The following PTPRD variants were observed in gnomAD, a reference collection of about 807,000 sequenced individuals.
PTPRD encodes the protein protein tyrosine phosphatase receptor type D.
PTPRD carries 34 observed loss-of-function variants against 214.5 expected under a neutral mutation model. That is an observed-to-expected ratio of 0.16 (90% confidence interval 0.12 to 0.21). The LOEUF (loss-of-function observed/expected upper bound fraction) is 0.21. Ranked by LOEUF, PTPRD falls within the 10% of genes least tolerant of loss-of-function variation. The probability of loss-of-function intolerance (pLI) is 1.00; values close to 1 mark genes in which losing one functional copy is unlikely to be tolerated. For missense variants in PTPRD, 2,545 were observed against 2,398.7 expected (o/e 1.06, Z -1.27); for synonymous variants, 1,128 against 845.7 (o/e 1.33, Z -5.79).
At chr9:8,950,199 AGG>A (rs2099093975) in intron 11 of PTPRD, among the ~76,000 whole-genome samples, 1 of 152,134 alleles carries the variant, frequency 6.6e-6, no homozygotes, top group Admixed American at 6.6e-5. Context: ...TAGATGGGGT[AGG>A]GGGAACAACC....
chr9:8,731,768 C>T (rs914262262), intron 12 of PTPRD, among the ~76,000 whole-genome samples: 3 of 152,110 alleles, frequency 2.0e-5, no homozygotes, highest in South Asian at 4.1e-4. Flanking sequence ...TTTCCTCTTT[C>T]GTCAATAACT....
At chr9:10,060,415 G>A (rs1484774237) in intron 3 of PTPRD, among the ~76,000 whole-genome samples, 3 of 152,022 alleles carry the variant, frequency 2.0e-5, no homozygotes, top group Admixed American at 1.3e-4. Context: ...TACTCAAAGT[G>A]TCATTACTGC....
intron 3 of PTPRD, among the ~76,000 whole-genome samples, chr9:10,247,920 G>C (rs1475784733): frequency 6.6e-6 from 1 of 152,090 alleles, no homozygotes; most frequent in Non-Finnish European, 1.5e-5. Flanking sequence ...TTATGGGAGG[G>C]ACCCAGTGAT....
chr9:9,263,325 A>G (rs1372654538), intron 9 of PTPRD, among the ~76,000 whole-genome samples: 4 of 151,632 alleles, frequency 2.6e-5, no homozygotes, highest in Non-Finnish European at 4.4e-5. Flanking sequence ...GGGAATAGAC[A>G]TTGTCTTTTC....
intron 5 of PTPRD, among the ~76,000 whole-genome samples, chr9:9,821,889 T>A (rs1288191000): frequency 6.6e-6 from 1 of 150,396 alleles, no homozygotes; most frequent in East Asian, 1.9e-4. Flanking sequence ...TATGTGTGCA[T>A]GACTGAATAC....
chr9:8,676,035 T>C (rs1163414979), intron 12 of PTPRD, among the ~76,000 whole-genome samples: 2 of 152,170 alleles, frequency 1.3e-5, no homozygotes, highest in Non-Finnish European at 2.9e-5. Context: ...TTTTGACCAA[T>C]AGTGAGTGCC....
intron 2 of PTPRD, among the ~76,000 whole-genome samples, chr9:10,360,008 T>G (rs568130615): frequency 9.8e-5 from 15 of 152,330 alleles, no homozygotes; most frequent in Non-Finnish European, 1.9e-4. Context: ...AGATTTACAT[T>G]TTTCTCAATG....
At chr9:8,355,934 A>C (rs1269370584) in intron 39 of PTPRD, among the ~76,000 whole-genome samples, 2 of 152,190 alleles carry the variant, frequency 1.3e-5, no homozygotes, top group Admixed American at 6.5e-5. Flanking sequence ...ACAGACAAAA[A>C]GGTGCACAGA....
intron 4 of PTPRD, among the ~76,000 whole-genome samples, chr9:9,978,600 C>CGAAG (rs1406376008): frequency 6.6e-6 from 1 of 152,038 alleles, no homozygotes; most frequent in African/African-American, 2.4e-5. Context: ...GAATGTCCTT[C>CGAAG]AGTCCCGCAG....
intron 9 of PTPRD, among the ~76,000 whole-genome samples, chr9:9,388,472 G>A (rs1248736429): frequency 6.6e-6 from 1 of 152,076 alleles, no homozygotes; most frequent in African/African-American, 2.4e-5. Flanking sequence ...GCTAATAATT[G>A]CACTGGGAGA....
At chr9:9,552,441 T>C (rs957815492) in intron 8 of PTPRD, among the ~76,000 whole-genome samples, 1 of 152,084 alleles carries the variant, frequency 6.6e-6, no homozygotes, top group African/African-American at 2.4e-5. Flanking sequence ...CAATCAAATC[T>C]TGAAAAGTAT....
At chr9:10,119,478 T>G (rs370196478) in intron 3 of PTPRD, among the ~76,000 whole-genome samples, 1 of 152,080 alleles carries the variant, frequency 6.6e-6, no homozygotes, top group East Asian at 1.9e-4. Flanking sequence ...ACGGTTCTAG[T>G]AGTAAGAGTA....
intron 7 of PTPRD, among the ~76,000 whole-genome samples, chr9:9,730,794 T>C (rs781236602): frequency 2.6e-5 from 4 of 152,144 alleles, no homozygotes; most frequent in Non-Finnish European, 5.9e-5. Flanking sequence ...TCTAAAGTGA[T>C]ATTAAAATGC....
intron 5 of PTPRD, among the ~76,000 whole-genome samples, chr9:9,835,250 G>A (rs1441192504): frequency 6.6e-6 from 1 of 152,028 alleles, no homozygotes; most frequent in Admixed American, 6.6e-5. Flanking sequence ...CAAAATGAAG[G>A]CCACTTGTGC....
At chr9:8,640,115 G>C (rs181629438) in intron 12 of PTPRD, among the ~76,000 whole-genome samples, 3 of 152,158 alleles carry the variant, frequency 2.0e-5, no homozygotes, top group East Asian at 1.9e-4. Context: ...ATTATTTGTA[G>C]ACATGGGGTC....
chr9:9,788,345 A>G (rs961013140), intron 5 of PTPRD, among the ~76,000 whole-genome samples: 4 of 151,046 alleles, frequency 2.6e-5, no homozygotes, highest in Admixed American at 2.6e-4. Flanking sequence ...AAGTCAGGAG[A>G]TCGAGACCAT....
intron 39 of PTPRD, among the ~76,000 whole-genome samples, chr9:8,357,397 C>A (rs1165748763): frequency 6.6e-6 from 1 of 152,208 alleles, no homozygotes; most frequent in Non-Finnish European, 1.5e-5. Flanking sequence ...TTGGCAGCCT[C>A]ACTCATGGAG....
chr9:9,470,844 T>C (rs1589264092), intron 8 of PTPRD, among the ~76,000 whole-genome samples: 2 of 152,280 alleles, frequency 1.3e-5, no homozygotes, highest in South Asian at 2.1e-4. Flanking sequence ...ATTAAGTTCA[T>C]ATGGGGAGGT....
chr9:10,557,155 C>T (rs2062793711), intron 2 of PTPRD, among the ~76,000 whole-genome samples: 1 of 151,952 alleles, frequency 6.6e-6, no homozygotes, highest in South Asian at 2.1e-4. Flanking sequence ...GTAGAAATAA[C>T]AGAAGATTTA....
Sources: allele counts gnomAD v4.1 joint callset (sites outside exome capture counted in the v4.1 genomes callset), GRCh38; gene constraint gnomAD v4.1.1; transcripts MANE v1.5; gene names NCBI Gene and HGNC (gene_info 2026-07-23, HGNC 2026-07-21).